NECAP1: variants seen among roughly 807,000 people sequenced by gnomAD.
NECAP1 encodes NECAP endocytosis associated 1, also known as adaptin ear-binding coat-associated protein 1.
A neutral mutation model predicts 33.4 loss-of-function variants in NECAP1; 13 were observed. That is an observed-to-expected ratio of 0.39 (90% CI 0.25 to 0.62). NECAP1 has a LOEUF of 0.62. Ranked by LOEUF, NECAP1 falls within the 20% of genes least tolerant of loss-of-function variation. The pLI is 0.52. For missense variants in NECAP1, 272 were observed against 347.4 expected (o/e 0.78, Z 1.73); for synonymous variants, 109 against 125.2 (o/e 0.87, Z 0.86).
intron 1 of NECAP1, among the ~76,000 whole-genome samples, chr12:8,085,686 C>CTTTTTTTTTTTTT (rs554942626): frequency 9.5e-6 from 1 of 104,810 alleles, no homozygotes. Context: ...ACTTAATCTT[C>CTTTTTTTTTTTTT]TTTTTTTTTT....
intron 6 of NECAP1, 106 bp from the exon 7 acceptor site, chr12:8,095,495 G>A (rs1036124332): frequency 3.3e-5 from 23 of 687,846 alleles, no homozygotes; most frequent in African/African-American, 7.2e-5. Flanking sequence ...TGATCCACCC[G>A]CCTCGGCCTC....
chr12:8,092,376 A>G (rs2241025), intron 4 of NECAP1: 160,967 of 309,880 alleles, frequency 0.52, 43,456 homozygotes, highest in Admixed American at 0.58. Flanking sequence ...AGACTAAGAA[A>G]CTAACACCCC....
At chr12:8,089,860 A>G in intron 1 of NECAP1, 76 bp from the exon 2 acceptor site, 1 of 1,063,544 alleles carries the variant, frequency 9.4e-7, no homozygotes, top group South Asian at 1.3e-5. Context: ...GGGAAATAGA[A>G]ATACAGTCAA....
intron 1 of NECAP1, among the ~76,000 whole-genome samples, chr12:8,087,091 AG>A (rs1947498725): frequency 6.6e-6 from 1 of 152,142 alleles, no homozygotes; most frequent in African/African-American, 2.4e-5. Context: ...GTGTAATGAA[AG>A]AATAATGGAC....
rs2120475136 is a variant in NECAP1, at chr12:8,089,780, T to C, written c.96-156T>C. ...TACTTGCTTTGGACTGTATGTAACA[T>C]GAGGCATCTAAATAGATCATGAATT... is the stretch of plus-strand genomic sequence containing the variant. On this transcript the variant is annotated intron_variant, in intron 1 of 7. Transcript: ENST00000339754. 1.4e-5 allele frequency: 9 copies of C among 645,802 alleles called. 1 individual carries two copies. The South Asian group carries it at 1.5e-4, about 11-fold the overall frequency. 40.0% of individuals were successfully genotyped at this position (645,802 alleles called of 1,614,324 possible). A position where few individuals can be genotyped will look rare whatever the true frequency, so the allele number is the denominator to read the frequency against.
intron 3 of NECAP1, chr12:8,091,424 GT>G: frequency 3.4e-6 from 1 of 292,650 alleles, no homozygotes; most frequent in Non-Finnish European, 6.5e-6. Flanking sequence ...CCTTGGGCTT[GT>G]TTTCCTGCAA....
chr12:8,095,526 G>A, intron 6 of NECAP1, 75 bp from the exon 7 acceptor site: 5 of 1,169,902 alleles, frequency 4.3e-6, no homozygotes, highest in Non-Finnish European at 6.2e-6. Context: ...GGGATTACAG[G>A]CGTGAGCCAC....
chr12:8,084,074 C>T (rs1451844870), intron 1 of NECAP1, among the ~76,000 whole-genome samples: 1 of 152,158 alleles, frequency 6.6e-6, no homozygotes, highest in African/African-American at 2.4e-5. Flanking sequence ...CTCTGACCCA[C>T]ATCATCATTG....
rs1203393317 is a variant in NECAP1, at chr12:8,090,194, G to T, written c.197-1G>T. On this transcript the variant is annotated splice_acceptor_variant, in intron 2 of 7. Coordinates refer to ENST00000339754, the MANE Select transcript of NECAP1 (RefSeq NM_015509.4). LOFTEE classifies it high-confidence loss of function. ...AAAAAAGTCTTTCTCTTATCTGTCA[G>T]GGGAGCTCTTTGCTCAGGCACCAGT... 6.2e-7 allele frequency: 1 copy of T among 1,613,986 alleles called. No individual in the cohort carries two copies. Among genetic ancestry groups the T allele is most frequent in the African/African-American group, 1.3e-5 (1 of 74,920 alleles).
intron 1 of NECAP1, among the ~76,000 whole-genome samples, chr12:8,084,968 A>G (rs1463874595): frequency 6.6e-6 from 1 of 152,202 alleles, no homozygotes; most frequent in Non-Finnish European, 1.5e-5. Flanking sequence ...TTTAGGAGTT[A>G]AGACTCCTAA....
chr12:8,084,249 A>G (rs1184309416), intron 1 of NECAP1, among the ~76,000 whole-genome samples: 1 of 152,110 alleles, frequency 6.6e-6, no homozygotes, highest in Non-Finnish European at 1.5e-5. Context: ...GCAAAGAGGT[A>G]GCAGTTCTGT....
chr12:8,093,182 A>G, intron 6 of NECAP1, 127 bp downstream of exon 6: 3 of 919,794 alleles, frequency 3.3e-6, no homozygotes, highest in Non-Finnish European at 4.9e-6. Flanking sequence ...TGATTCTGTC[A>G]GCTTCTAGCA....
intron 1 of NECAP1, among the ~76,000 whole-genome samples, chr12:8,086,549 G>C (rs1947491653): frequency 6.6e-6 from 1 of 152,112 alleles, no homozygotes; most frequent in Admixed American, 6.5e-5. Context: ...GGGAGGCGGA[G>C]GTTGCAATGA....
intron 1 of NECAP1, 164 bp from the exon 2 acceptor site, chr12:8,089,772 A>G (rs928946628): frequency 9.5e-6 from 6 of 629,592 alleles, no homozygotes; most frequent in South Asian, 3.8e-5. Context: ...TTTGGACTGT[A>G]TGTAACATGA....
At chr12:8,082,742 TATC>T (rs1352355450) in intron 1 of NECAP1, 28 of 243,682 alleles carry the variant, frequency 1.1e-4, no homozygotes, top group Non-Finnish European at 8.3e-5. Flanking sequence ...TCCTTCAGCT[TATC>T]ATCCTCATCC....
chr12:8,092,331 G>C (rs765755738), intron 4 of NECAP1: 41 of 265,346 alleles, frequency 1.5e-4, no homozygotes, highest in Admixed American at 4.0e-4. Context: ...ACTCTCTGAA[G>C]TTATAGAAAG....
Position 8,089,363 on chromosome 12 carries a change from T to C in NECAP1, c.96-573T>C, listed in dbSNP as rs182064881. Reference sequence around the variant, plus strand: ...CTATAGTTTGAAAATAGCATCGTTATGAGAAATTTTATTTATTTCTTTATT... The same window carrying C: ...CTATAGTTTGAAAATAGCATCGTTACGAGAAATTTTATTTATTTCTTTATT... On this transcript the variant is annotated intron_variant, in intron 1 of 7. Coordinates refer to ENST00000339754, the MANE Select transcript of NECAP1 (RefSeq NM_015509.4). 1,315 of 152,424 alleles carry C rather than the reference T, an allele frequency of 8.6e-3. 13 individuals are homozygous for C. Among genetic ancestry groups the C allele is most frequent in the South Asian group, 0.016 (79 of 4,832 alleles). 9.4% of individuals were successfully genotyped at this position (152,424 alleles called of 1,614,324 possible). A position where few individuals can be genotyped will look rare whatever the true frequency, so the allele number is the denominator to read the frequency against.
chr12:8,088,034 C>G (rs1476190967), intron 1 of NECAP1, among the ~76,000 whole-genome samples: 1 of 152,066 alleles, frequency 6.6e-6, no homozygotes, highest in African/African-American at 2.4e-5. Context: ...TTATTAATAA[C>G]TTTTACTTTG....
intron 6 of NECAP1, 76 bp downstream of exon 6, chr12:8,093,131 T>G: frequency 2.1e-6 from 3 of 1,449,002 alleles, no homozygotes; most frequent in Non-Finnish European, 2.9e-6. Context: ...TCAAGGAGAG[T>G]TAATGTTTTT....
Sources: gnomAD v4.1 joint callset for allele counts (sites outside exome capture counted in the v4.1 genomes callset) on GRCh38, gnomAD v4.1.1 for gene constraint, MANE v1.5 for transcripts, NCBI Gene and HGNC (gene_info 2026-07-23, HGNC 2026-07-21) for gene names.